Variants in TTC29 observed in about 807,000 individuals in gnomAD.
TTC29 encodes tetratricopeptide repeat domain 29.
A neutral mutation model predicts 58.1 loss-of-function variants in TTC29; 49 were observed. That is an observed-to-expected ratio of 0.84 (90% CI 0.67 to 1.07). The LOEUF is 1.07. TTC29 is among the 50% of genes least tolerant of loss of function. The probability of loss-of-function intolerance (pLI) is 0.00; values close to 1 mark genes in which losing one functional copy is unlikely to be tolerated. For synonymous variants in TTC29, 209 were observed against 196.8 expected (o/e 1.06, Z -0.52); for missense variants, 582 against 555.6 (o/e 1.05, Z -0.48).
At chr4:146,915,000 T>C (rs1203586758) in intron 4 of TTC29, among the ~76,000 whole-genome samples, 1 of 152,188 alleles carries the variant, frequency 6.6e-6, no homozygotes, top group Non-Finnish European at 1.5e-5. Flanking sequence ...CTACTATTTA[T>C]AGAACACCCA....
At chr4:146,782,096 C>T (rs1292615470) in intron 11 of TTC29, among the ~76,000 whole-genome samples, 1 of 151,636 alleles carries the variant, frequency 6.6e-6, no homozygotes, top group African/African-American at 2.4e-5. Context: ...TCTAGAGGTG[C>T]AACAACCTAT....
At chr4:146,939,307 T>A (rs1263324728) in intron 3 of TTC29, among the ~76,000 whole-genome samples, 2 of 152,054 alleles carry the variant, frequency 1.3e-5, no homozygotes, top group Non-Finnish European at 2.9e-5. Context: ...TACAAAAACT[T>A]AGCTGGGCAT....
At chr4:146,825,339 C>G (rs1579766972) in intron 9 of TTC29, among the ~76,000 whole-genome samples, 2 of 152,250 alleles carry the variant, frequency 1.3e-5, no homozygotes, top group Middle Eastern at 6.8e-3. Flanking sequence ...TTCTTAATCT[C>G]CATCCTAATT....
At chr4:146,753,221 C>T (rs2150050873) in intron 11 of TTC29, among the ~76,000 whole-genome samples, 1 of 152,130 alleles carries the variant, frequency 6.6e-6, no homozygotes, top group South Asian at 2.1e-4. Context: ...AACAAACAAC[C>T]CCATCAAAAA....
chr4:146,881,205 C>A (rs1561215868), intron 6 of TTC29, among the ~76,000 whole-genome samples: 1 of 152,112 alleles, frequency 6.6e-6, no homozygotes, highest in African/African-American at 2.4e-5. Flanking sequence ...TAGCTCCATG[C>A]ATCAGCAATT....
chr4:146,933,561 C>A (rs1735512598), intron 4 of TTC29, among the ~76,000 whole-genome samples: 1 of 152,174 alleles, frequency 6.6e-6, no homozygotes, highest in Admixed American at 6.5e-5. Context: ...ACATGACTGT[C>A]TGTACTTGTT....
intron 6 of TTC29, among the ~76,000 whole-genome samples, chr4:146,878,167 A>G (rs1404595483): frequency 6.6e-6 from 1 of 152,194 alleles, no homozygotes; most frequent in Non-Finnish European, 1.5e-5. Context: ...TGACTACAGA[A>G]GGCAACCTTG....
At chr4:146,922,739 G>A (rs73852745) in intron 4 of TTC29, among the ~76,000 whole-genome samples, 6,282 of 151,572 alleles carry the variant, frequency 0.041, 452 homozygotes, top group African/African-American at 0.14. Context: ...CCTAGACCCC[G>A]TATTATTAGC....
chr4:146,830,925 C>T (rs531041938), intron 9 of TTC29, among the ~76,000 whole-genome samples: 1 of 152,176 alleles, frequency 6.6e-6, no homozygotes, highest in Non-Finnish European at 1.5e-5. Flanking sequence ...TTGCGCTATT[C>T]AGGATGCTGT....
chr4:146,870,630 T>C (rs573947321), intron 7 of TTC29, among the ~76,000 whole-genome samples: 2 of 152,054 alleles, frequency 1.3e-5, no homozygotes, highest in South Asian at 4.1e-4. Flanking sequence ...AACCCTTAAA[T>C]TATTAAAATC....
chr4:146,720,408 T>C (rs1743270796), intron 11 of TTC29, among the ~76,000 whole-genome samples: 3 of 152,170 alleles, frequency 2.0e-5, no homozygotes, highest in African/African-American at 7.2e-5. Context: ...CATTTGTTTT[T>C]AAAAGATTTC....
chr4:146,821,931 G>A (rs1751861364), intron 9 of TTC29, among the ~76,000 whole-genome samples: 1 of 150,000 alleles, frequency 6.7e-6, no homozygotes, highest in Non-Finnish European at 1.5e-5. Context: ...TGTATACAGT[G>A]CTTTGAAACC....
At chr4:146,806,360 A>G (rs757266480) in intron 10 of TTC29, among the ~76,000 whole-genome samples, 2 of 152,266 alleles carry the variant, frequency 1.3e-5, no homozygotes, top group Non-Finnish European at 2.9e-5. Flanking sequence ...TCGTAATGAC[A>G]GGATCAAATT....
At chr4:146,839,720 A>C (rs1728734222) in intron 8 of TTC29, among the ~76,000 whole-genome samples, 1 of 150,800 alleles carries the variant, frequency 6.6e-6, no homozygotes, top group Non-Finnish European at 1.5e-5. Flanking sequence ...AAAATGATAA[A>C]GGAAAATCTT....
chr4:146,775,573 A>G (rs935493998), intron 11 of TTC29, among the ~76,000 whole-genome samples: 6 of 150,544 alleles, frequency 4.0e-5, no homozygotes, highest in African/African-American at 1.5e-4. Flanking sequence ...AATGCTGAAT[A>G]TAGGCCCCTA....
chr4:146,894,019 G>A (rs1732574900), intron 6 of TTC29, among the ~76,000 whole-genome samples: 1 of 152,106 alleles, frequency 6.6e-6, no homozygotes, highest in South Asian at 2.1e-4. Flanking sequence ...TCATTAAAAA[G>A]TCAGGAAACA....
intron 11 of TTC29, among the ~76,000 whole-genome samples, chr4:146,750,584 T>C (rs1300392508): frequency 6.6e-6 from 1 of 152,190 alleles, no homozygotes; most frequent in Non-Finnish European, 1.5e-5. Context: ...ATCAAAAACA[T>C]AACTTGTTGA....
chr4:146,885,867 C>T (rs964333960), intron 6 of TTC29, among the ~76,000 whole-genome samples: 1 of 151,892 alleles, frequency 6.6e-6, no homozygotes, highest in African/African-American at 2.4e-5. Flanking sequence ...CTTTTTTGTC[C>T]CTATTATAAG....
chr4:146,849,150 C>G (rs995308026), intron 8 of TTC29, among the ~76,000 whole-genome samples: 2 of 152,116 alleles, frequency 1.3e-5, no homozygotes, highest in Non-Finnish European at 2.9e-5. Context: ...GTAGTCACTA[C>G]CATTTATAGA....
Sources: gnomAD v4.1 joint callset for allele counts (sites outside exome capture counted in the v4.1 genomes callset) on GRCh38, gnomAD v4.1.1 for gene constraint, MANE v1.5 for transcripts, NCBI Gene and HGNC (gene_info 2026-07-23, HGNC 2026-07-21) for gene names.